Variants in CPVL observed in about 807,000 individuals in gnomAD.
The protein encoded by CPVL is carboxypeptidase vitellogenic like.
Under a neutral mutation model 63.7 loss-of-function variants are expected in CPVL, and 51 were observed. The ratio of observed to expected loss-of-function variants is 0.80; its 90% CI spans 0.64 to 1.01. CPVL has a LOEUF of 1.01. Ranked by LOEUF, CPVL falls within the 50% of genes least tolerant of loss-of-function variation. The probability of loss-of-function intolerance (pLI) is 0.00; values close to 1 mark genes in which losing one functional copy is unlikely to be tolerated. For synonymous variants in CPVL, 195 were observed against 206.0 expected (o/e 0.95, Z 0.46); for missense variants, 530 against 573.1 (o/e 0.92, Z 0.77).
rs1050787810 is a variant in CPVL, at chr7:28,996,558, A to C, written c.1321-676T>G. ...AAAAAAAACCAAAAAACAAAAAAAA[A>C]AAAAACAAAACAAAAAACTTGACAC... On this transcript the variant is annotated intron_variant, in intron 12 of 12. Coordinates refer to ENST00000265394, the MANE Select transcript of CPVL (RefSeq NM_031311.5). Among the ~76,000 whole-genome samples the C allele has an allele frequency of 2.0e-4, 30 of 151,970 alleles. 1 individual carries two copies. Among genetic ancestry groups the C allele is most frequent in the Admixed American group, 1.8e-3 (28 of 15,246 alleles).
At chr7:29,005,600 T>G (rs1288285938) in intron 12 of CPVL, among the ~76,000 whole-genome samples, 1 of 152,114 alleles carries the variant, frequency 6.6e-6, no homozygotes, top group African/African-American at 2.4e-5. Context: ...ATTCTTTCCC[T>G]CCACCCTCTC....
chr7:29,015,089 A>G (rs1477884379), intron 12 of CPVL, among the ~76,000 whole-genome samples: 1 of 152,244 alleles, frequency 6.6e-6, no homozygotes, highest in African/African-American at 2.4e-5. Flanking sequence ...ACAAAAGTTA[A>G]TGTGAGTTTT....
At chr7:29,169,779 A>C (rs1796358133) in intron 5 of CPVL, among the ~76,000 whole-genome samples, 1 of 151,884 alleles carries the variant, frequency 6.6e-6, no homozygotes, top group Non-Finnish European at 1.5e-5. Context: ...GTGCCTATAG[A>C]CCTTCACATC....
intron 1 of CPVL, among the ~76,000 whole-genome samples, chr7:29,141,995 T>C (rs576308305): frequency 4.6e-5 from 7 of 152,210 alleles, no homozygotes; most frequent in African/African-American, 1.7e-4. Flanking sequence ...TGCAAGTGGG[T>C]TACCTGGAAA....
intron 9 of CPVL, among the ~76,000 whole-genome samples, chr7:29,070,286 C>A (rs2128574039): frequency 6.6e-6 from 1 of 152,294 alleles, no homozygotes; most frequent in African/African-American, 2.4e-5. Flanking sequence ...CTTCACTAAT[C>A]CTGTAGGTGT....
intron 12 of CPVL, chr7:28,996,310 G>T (rs1386359201): frequency 6.5e-6 from 1 of 154,420 alleles, no homozygotes; most frequent in East Asian, 1.9e-4. Flanking sequence ...CCTTCAGTTA[G>T]CCAGCCCAAT....
chr7:29,120,864 G>C, intron 2 of CPVL, 29 bp downstream of exon 2: 1 of 1,567,136 alleles, frequency 6.4e-7, no homozygotes, highest in South Asian at 1.2e-5. Context: ...TCATGCCAGT[G>C]GTTTTCTGAT....
intron 1 of CPVL, chr7:29,194,996 T>C (rs1319904445): frequency 6.3e-7 from 1 of 1,584,492 alleles, no homozygotes; most frequent in Non-Finnish European, 8.6e-7. Context: ...CTCCGGTGAG[T>C]TTCAGCCCGT....
chr7:29,163,395 A>C (rs1378467398), intron 5 of CPVL, among the ~76,000 whole-genome samples: 1 of 152,148 alleles, frequency 6.6e-6, no homozygotes, highest in Non-Finnish European at 1.5e-5. Context: ...ATGTTTAAAA[A>C]TGTGTCTTTT....
At chr7:29,186,951 A>G (rs1798788744) in intron 1 of CPVL, among the ~76,000 whole-genome samples, 1 of 152,160 alleles carries the variant, frequency 6.6e-6, no homozygotes, top group Non-Finnish European at 1.5e-5. Context: ...ATATTATATA[A>G]GTTTTCTAGC....
At chr7:29,183,380 A>C (rs1419449816) in intron 4 of CPVL, among the ~76,000 whole-genome samples, 1 of 133,338 alleles carries the variant, frequency 7.5e-6, no homozygotes, top group Non-Finnish European at 1.6e-5. Flanking sequence ...CACCGTGCCT[A>C]GCCTTTTTTT....
chr7:29,023,061 C>T (rs1009822751), intron 12 of CPVL, among the ~76,000 whole-genome samples: 1 of 152,324 alleles, frequency 6.6e-6, no homozygotes, highest in South Asian at 2.1e-4. Flanking sequence ...TGCTAGTGCC[C>T]ACTACTGCTA....
At position 29,144,273 on chromosome 7, in the gene CPVL, G is replaced by A. The variant is rs989403005; in HGVS notation, c.-11+2156C>T. Among the ~76,000 whole-genome samples the A allele has an allele frequency of 2.6e-5, 4 of 152,234 alleles. 1 individual carries two copies. The highest frequency in any genetic ancestry group is 6.8e-3 in the Middle Eastern group (2 of 292). Reference sequence around the variant, plus strand: ...GAACCATACTTCCTATTAAGAAGGGGTCACTGGCCAGGCACAGTGGCTCAT... The same window carrying A: ...GAACCATACTTCCTATTAAGAAGGGATCACTGGCCAGGCACAGTGGCTCAT... On this transcript the variant is annotated intron_variant, in intron 1 of 12. Coordinates refer to ENST00000265394, the MANE Select transcript of CPVL (RefSeq NM_031311.5).
intron 10 of CPVL, among the ~76,000 whole-genome samples, chr7:29,065,285 TTAG>T (rs1312350268): frequency 6.6e-6 from 1 of 152,246 alleles, no homozygotes; most frequent in Non-Finnish European, 1.5e-5. Flanking sequence ...TGTTTTTCTC[TTAG>T]TAGAATCTAA....
At chr7:29,150,412 G>T (rs1368837173), upstream of CPVL, among the ~76,000 whole-genome samples, 1 of 152,114 alleles carries the variant, frequency 6.6e-6, no homozygotes. Context: ...AAGATTCTAG[G>T]CTGTGACTGC....
intron 2 of CPVL, among the ~76,000 whole-genome samples, chr7:29,113,124 C>T (rs540481851): frequency 1.3e-4 from 19 of 151,886 alleles, no homozygotes; most frequent in Non-Finnish European, 1.8e-4. Context: ...AGAAAATCTC[C>T]TATCATTACA....
chr7:29,146,696 A>C, upstream of CPVL: 1 of 1,550,662 alleles, frequency 6.4e-7, no homozygotes, highest in Non-Finnish European at 8.7e-7. Flanking sequence ...AAGCAGCCCC[A>C]GGGTGGAATC....
rs911922281 is a variant in CPVL, at chr7:29,194,870, G to C, written c.-448+207C>G. ...GCTGGGGGCCGCGGAGGCTGCGAGC[G>C]GCCGGGCGAGGGCAGCGGCGGCGGC... On this transcript the variant is annotated intron_variant, in intron 1 of 16. Coordinates refer to the CPVL transcript ENST00000409850. 5.9e-5 allele frequency: 78 copies of C among 1,322,220 alleles called. No homozygotes were observed. The Middle Eastern group carries it at 1.5e-3, about 25-fold the overall frequency. 81.9% of individuals were successfully genotyped at this position (1,322,220 alleles called of 1,614,324 possible).
chr7:29,014,219 G>C (rs1379957038), intron 12 of CPVL, among the ~76,000 whole-genome samples: 1 of 152,190 alleles, frequency 6.6e-6, no homozygotes, highest in Admixed American at 6.5e-5. Flanking sequence ...CTGGAAGATA[G>C]AGACAAAGAA....
Sources: allele counts gnomAD v4.1 joint callset (sites outside exome capture counted in the v4.1 genomes callset), GRCh38; gene constraint gnomAD v4.1.1; transcripts MANE v1.5; gene names NCBI Gene and HGNC (gene_info 2026-07-23, HGNC 2026-07-21).